Variants in MOB1B observed in about 807,000 individuals in gnomAD.
MOB1B encodes the protein MOB kinase activator 1B.
A neutral mutation model predicts 24.4 loss-of-function variants in MOB1B; 19 were observed. That is an observed-to-expected ratio of 0.78 (90% CI 0.54 to 1.14). The LOEUF (loss-of-function observed/expected upper bound fraction) is 1.14. Ranked by LOEUF, MOB1B falls within the 50% of genes most tolerant of loss-of-function variation. The pLI, the probability that MOB1B is intolerant of heterozygous loss-of-function variation, is 0.00. For missense variants in MOB1B, 243 were observed against 259.6 expected, an observed-to-expected ratio of 0.94 and a Z score of 0.44; for synonymous variants, 76 against 82.1, an observed-to-expected ratio of 0.93 and a Z score of 0.40.
intron 1 of MOB1B, among the ~76,000 whole-genome samples, chr4:70,913,681 G>A (rs1736088760): frequency 6.6e-6 from 1 of 152,048 alleles, no homozygotes. Flanking sequence ...TTTGATTAAT[G>A]TGTTTGCCAG....
intron 1 of MOB1B, among the ~76,000 whole-genome samples, chr4:70,951,026 A>C (rs1737781476): frequency 6.6e-6 from 1 of 152,218 alleles, no homozygotes. Flanking sequence ...TGTTGGCACA[A>C]ATACATGATT....
At chr4:70,905,612 A>T (rs1735708418) in intron 1 of MOB1B, among the ~76,000 whole-genome samples, 1 of 152,112 alleles carries the variant, frequency 6.6e-6, no homozygotes, top group Non-Finnish European at 1.5e-5. Context: ...AGTTAAATAC[A>T]AATATTTTCC....
intron 2 of MOB1B, among the ~76,000 whole-genome samples, chr4:70,969,361 G>A (rs543554418): frequency 2.0e-5 from 3 of 152,202 alleles, no homozygotes; most frequent in East Asian, 1.9e-4. Context: ...GAATTCCTGG[G>A]CTCAAGCGAT....
chr4:70,957,785 T>A (rs1311121520), intron 1 of MOB1B, among the ~76,000 whole-genome samples: 1 of 144,570 alleles, frequency 6.9e-6, no homozygotes, highest in East Asian at 2.0e-4. Flanking sequence ...GAGATGGGGG[T>A]CTTGCTATGT....
chr4:70,932,898 A>G (rs1560640465), intron 1 of MOB1B, among the ~76,000 whole-genome samples: 1 of 152,206 alleles, frequency 6.6e-6, no homozygotes, highest in South Asian at 2.1e-4. Flanking sequence ...CTCCATTTGT[A>G]TAGATGGTTT....
intron 2 of MOB1B, among the ~76,000 whole-genome samples, chr4:70,968,731 C>T (rs1195233634): frequency 6.6e-6 from 1 of 152,184 alleles, no homozygotes; most frequent in Non-Finnish European, 1.5e-5. Flanking sequence ...TCTCCTGTCT[C>T]AGCCTTCTGA....
chr4:70,936,086 C>T (rs944742839), intron 1 of MOB1B, among the ~76,000 whole-genome samples: 7 of 152,006 alleles, frequency 4.6e-5, no homozygotes, highest in African/African-American at 1.4e-4. Context: ...CTCCTGACCT[C>T]GTGATCCGCC....
intron 1 of MOB1B, among the ~76,000 whole-genome samples, chr4:70,930,141 A>G (rs1257590880): frequency 6.6e-6 from 1 of 152,206 alleles, no homozygotes; most frequent in Non-Finnish European, 1.5e-5. Flanking sequence ...CGAAATTAGC[A>G]TATAGTATAG....
intron 1 of MOB1B, among the ~76,000 whole-genome samples, chr4:70,957,259 CA>C (rs1247828205): frequency 0.13 from 8,289 of 63,468 alleles, 264 homozygotes; most frequent in East Asian, 0.25. Context: ...GACTATGTCT[CA>C]AAAAAAAAAA....
rs1174125573 is a variant in MOB1B, at chr4:70,985,600, T to G, written c.*3543T>G. The G allele has an allele frequency of 1.3e-5, 2 of 152,240 alleles. No homozygotes were observed. Among genetic ancestry groups the G allele is most frequent in the African/African-American group, 4.8e-5 (2 of 41,436 alleles). 9.4% of individuals were successfully genotyped at this position (152,240 alleles called of 1,614,324 possible). On this transcript the variant is annotated 3_prime_UTR_variant, in exon 6 of 6. Transcript: ENST00000309395. ...GTACAATGGCATGATCTCAGCTCACTGCAACCTCCACCTCCTGGGTTCAAG... is the reference window on the plus strand; with the variant it reads ...GTACAATGGCATGATCTCAGCTCACGGCAACCTCCACCTCCTGGGTTCAAG...
chr4:70,976,443 C>G (rs1738999703), intron 4 of MOB1B: 1 of 985,066 alleles, frequency 1.0e-6, no homozygotes, highest in Non-Finnish European at 1.2e-6. Flanking sequence ...TGAGGGGTTG[C>G]TGTATCATCG....
intron 4 of MOB1B, chr4:70,976,667 T>C: frequency 1.0e-6 from 1 of 968,808 alleles, no homozygotes; most frequent in Non-Finnish European, 1.2e-6. Context: ...ATAGTTGTTG[T>C]TATGGAGTAC....
rs534884367 is a variant in MOB1B at position 70,958,732 on chromosome 4, T to C, written c.15-142T>C. On this transcript the variant is annotated intron_variant, in intron 1 of 5. Coordinates refer to ENST00000309395, the MANE Select transcript of MOB1B (RefSeq NM_173468.4). Reference sequence around the variant, plus strand: ...CACAGCAGAGAAAGTTTGTAGGAGTTTTGGATGGAGAGCACAGTAGTTACA... The same window carrying C: ...CACAGCAGAGAAAGTTTGTAGGAGTCTTGGATGGAGAGCACAGTAGTTACA... The C allele has an allele frequency of 3.5e-5, 32 of 905,140 alleles. No individual in the cohort carries two copies. In the South Asian group the frequency reaches 4.2e-4, roughly 12 times the overall value. The allele number at this position is 905,140 out of a possible 1,614,324, so 56.1% of individuals were successfully genotyped here. A position where few individuals can be genotyped will look rare whatever the true frequency, so the allele number is the denominator to read the frequency against.
intron 4 of MOB1B, among the ~76,000 whole-genome samples, 167 bp from the exon 5 acceptor site, chr4:70,978,961 A>G (rs1739102125): frequency 6.6e-6 from 1 of 152,190 alleles, no homozygotes; most frequent in African/African-American, 2.4e-5. Flanking sequence ...ATTTTCATTC[A>G]TGACATGTTG....
chr4:70,922,287 C>T (rs1431377734), intron 1 of MOB1B, among the ~76,000 whole-genome samples: 7 of 152,258 alleles, frequency 4.6e-5, no homozygotes, highest in African/African-American at 1.7e-4. Flanking sequence ...AAATGAGCAT[C>T]GAAAATAACT....
chr4:70,907,639 G>A (rs112175192), intron 1 of MOB1B, among the ~76,000 whole-genome samples: 6,474 of 152,076 alleles, frequency 0.043, 453 homozygotes, highest in African/African-American at 0.15. Flanking sequence ...GAACAGCCTG[G>A]GTAACATGGC....
chr4:70,964,402 T>G (rs2148896651), intron 2 of MOB1B, among the ~76,000 whole-genome samples: 1 of 152,318 alleles, frequency 6.6e-6, no homozygotes, highest in Middle Eastern at 3.4e-3. Flanking sequence ...TCTGTATATG[T>G]TTGGAAAAAG....
chr4:70,977,198 GAAATCTT>G (rs1331130125), intron 4 of MOB1B, among the ~76,000 whole-genome samples: 2 of 152,178 alleles, frequency 1.3e-5, no homozygotes, highest in East Asian at 3.9e-4. Flanking sequence ...ATAAGCAAAG[GAAATCTT>G]TTATATTTGT....
At chr4:70,934,361 C>A (rs970267730) in intron 1 of MOB1B, among the ~76,000 whole-genome samples, 10 of 152,046 alleles carry the variant, frequency 6.6e-5, no homozygotes, top group African/African-American at 2.2e-4. Context: ...GCTGGAATTA[C>A]AGGCATGAGC....
Sources: allele counts gnomAD v4.1 joint callset (sites outside exome capture counted in the v4.1 genomes callset), GRCh38; gene constraint gnomAD v4.1.1; transcripts MANE v1.5; gene names NCBI Gene and HGNC (gene_info 2026-07-23, HGNC 2026-07-21).